CTNND2: variants seen among roughly 807,000 people sequenced by gnomAD.
The protein encoded by CTNND2 is catenin delta-2.
A neutral mutation model predicts 144.4 loss-of-function variants in CTNND2; 22 were observed. That is an observed-to-expected ratio of 0.15 (90% CI 0.11 to 0.22). CTNND2 has a LOEUF of 0.22. Among genes scored for constraint, CTNND2 ranks in the 10% least tolerant of loss-of-function variants. CTNND2 has a pLI of 1.00. For missense variants in CTNND2, 1,353 were observed against 1,618.8 expected, an observed-to-expected ratio of 0.84 and a Z score of 2.82; for synonymous variants, 751 against 695.6, an observed-to-expected ratio of 1.08 and a Z score of -1.25.
rs891092079 is a variant in CTNND2, at chr5:11,072,156, G to T, written c.2788+10540C>A. 3.9e-5 allele frequency among the ~76,000 whole-genome samples: 6 copies of T among 152,320 alleles called. No homozygotes were observed. In the South Asian group the frequency reaches 1.2e-3, roughly 32 times the overall value. ...TCCTTTCTGACCAATAAATTAAACT[G>T]TTCAAGTCTCAAGGTGAGGACCACA... On this transcript the variant is annotated intron_variant, in intron 16 of 21. Transcript: ENST00000304623.
chr5:10,989,116 T>C (rs182638047), intron 19 of CTNND2, among the ~76,000 whole-genome samples: 54 of 152,080 alleles, frequency 3.6e-4, no homozygotes, highest in Admixed American at 9.8e-4. Context: ...TAAAAGGAGG[T>C]TGAATTTTCA....
chr5:11,745,444 T>C (rs10454933), intron 1 of CTNND2, among the ~76,000 whole-genome samples: 148,981 of 152,282 alleles, frequency 0.98, 72,953 homozygotes, highest in East Asian at 1. Context: ...GGGTCCACAC[T>C]TTCTATTTCC....
In CTNND2 at chr5:10,992,795, GGTTCTTGAA is replaced by G. The variant is rs563583686; in HGVS notation, c.3085-127_3085-119del. ...AATATTTCTATGGTGTGTCAGAAGA[GGTTCTTGAA>G]GTTCTGCGCTCTCATGGAGGTGAAC... On this transcript the variant is annotated intron_variant, in intron 18 of 21. Transcript: ENST00000304623. 213 of 1,365,136 alleles carry G rather than the reference GGTTCTTGAA, an allele frequency of 1.6e-4. No individual in the cohort carries two copies. The African/African-American group carries it at 2.8e-3, about 18-fold the overall frequency. 84.6% of individuals were successfully genotyped at this position (1,365,136 alleles called of 1,614,324 possible). A position where few individuals can be genotyped will look rare whatever the true frequency, so the allele number is the denominator to read the frequency against.
At chr5:11,751,995 G>T (rs1788650482) in intron 1 of CTNND2, among the ~76,000 whole-genome samples, 1 of 151,558 alleles carries the variant, frequency 6.6e-6, no homozygotes, top group Non-Finnish European at 1.5e-5. Context: ...TAAATTGTTG[G>T]CTGTGCACAG....
chr5:11,614,142 C>A (rs1780469015), intron 2 of CTNND2, among the ~76,000 whole-genome samples: 1 of 152,132 alleles, frequency 6.6e-6, no homozygotes, highest in African/African-American at 2.4e-5. Flanking sequence ...TAACTTGCTT[C>A]TTACTAAGAG....
chr5:11,291,085 C>T (rs560367014), intron 9 of CTNND2, among the ~76,000 whole-genome samples: 2 of 151,996 alleles, frequency 1.3e-5, no homozygotes, highest in Non-Finnish European at 1.5e-5. Flanking sequence ...AATTGCGGGT[C>T]TCCTGGTTAC....
intron 2 of CTNND2, among the ~76,000 whole-genome samples, chr5:11,709,901 C>CA (rs551614232): frequency 6.6e-6 from 1 of 151,942 alleles, no homozygotes; most frequent in African/African-American, 2.4e-5. Flanking sequence ...TAAGATATTA[C>CA]AAAAAAGCAT....
At chr5:11,142,636 CAG>C (rs1756849151) in intron 12 of CTNND2, among the ~76,000 whole-genome samples, 1 of 132,776 alleles carries the variant, frequency 7.5e-6, no homozygotes, top group African/African-American at 2.9e-5. Context: ...TTGTTTGAGG[CAG>C]AGTTTCGCTC....
chr5:11,431,913 C>T (rs936489122), intron 3 of CTNND2, among the ~76,000 whole-genome samples: 2 of 152,126 alleles, frequency 1.3e-5, no homozygotes, highest in African/African-American at 4.8e-5. Flanking sequence ...CCTTTGTCAT[C>T]AACAGTAGCA....
At chr5:11,044,462 T>G (rs1381672311) in intron 16 of CTNND2, among the ~76,000 whole-genome samples, 1 of 151,964 alleles carries the variant, frequency 6.6e-6, no homozygotes, top group Non-Finnish European at 1.5e-5. Context: ...TCTATGTACA[T>G]TTCATAATCC....
At chr5:11,233,389 A>G (rs961698519) in intron 10 of CTNND2, among the ~76,000 whole-genome samples, 1 of 152,238 alleles carries the variant, frequency 6.6e-6, no homozygotes, top group Non-Finnish European at 1.5e-5. Flanking sequence ...CCCTCTGCAT[A>G]TAGAAGATGT....
At chr5:11,116,726 CA>C (rs892160073) in intron 13 of CTNND2, among the ~76,000 whole-genome samples, 2 of 152,100 alleles carry the variant, frequency 1.3e-5, no homozygotes, top group Non-Finnish European at 2.9e-5. Context: ...GTGTAATCAA[CA>C]GTTGTTAAAA....
intron 3 of CTNND2, among the ~76,000 whole-genome samples, chr5:11,513,071 T>A (rs1771808601): frequency 6.6e-6 from 1 of 152,176 alleles, no homozygotes; most frequent in South Asian, 2.1e-4. Context: ...GCTGTTTTTC[T>A]TCAAAAACAT....
intron 2 of CTNND2, chr5:11,589,136 T>G: frequency 1.7e-6 from 1 of 586,764 alleles, no homozygotes; most frequent in Non-Finnish European, 2.1e-6. Flanking sequence ...AACAGTGAAT[T>G]TAGACCCCCA....
intron 16 of CTNND2, among the ~76,000 whole-genome samples, chr5:11,050,942 C>G (rs1278829226): frequency 6.6e-6 from 1 of 152,182 alleles, no homozygotes; most frequent in East Asian, 1.9e-4. Flanking sequence ...CTGAAGCTTC[C>G]CTTTTCTCCA....
At chr5:11,644,476 C>T (rs1782240298) in intron 2 of CTNND2, among the ~76,000 whole-genome samples, 1 of 152,078 alleles carries the variant, frequency 6.6e-6, no homozygotes, top group Non-Finnish European at 1.5e-5. Flanking sequence ...AGATCAAGAC[C>T]ATCCTGGTTA....
chr5:11,706,120 G>C (rs1272976208), intron 2 of CTNND2, among the ~76,000 whole-genome samples: 1 of 152,140 alleles, frequency 6.6e-6, no homozygotes, highest in Non-Finnish European at 1.5e-5. Flanking sequence ...CCAACAGTCT[G>C]AGTGAACTTG....
chr5:11,196,386 A>G (rs140747001), intron 11 of CTNND2, among the ~76,000 whole-genome samples: 2 of 152,268 alleles, frequency 1.3e-5, no homozygotes, highest in East Asian at 3.9e-4. Context: ...ATTTGCTCTC[A>G]TCCATGAGAT....
intron 3 of CTNND2, among the ~76,000 whole-genome samples, chr5:11,514,068 C>T (rs1771911018): frequency 7.3e-6 from 1 of 137,832 alleles, no homozygotes; most frequent in Non-Finnish European, 1.5e-5. Context: ...CTGTGGTCCT[C>T]CCAGCTACTC....
Sources: gnomAD v4.1 joint callset for allele counts (sites outside exome capture counted in the v4.1 genomes callset) on GRCh38, gnomAD v4.1.1 for gene constraint, MANE v1.5 for transcripts, NCBI Gene and HGNC (gene_info 2026-07-23, HGNC 2026-07-21) for gene names.